TMEM132C: variants seen among roughly 807,000 people sequenced by gnomAD.
The protein encoded by TMEM132C is protein phosphatase 1, regulatory subunit 152.
In TMEM132C, 29 loss-of-function variants were observed where a neutral mutation model predicts 61.4. The ratio of observed to expected loss-of-function variants is 0.47; its 90% CI spans 0.35 to 0.64. The LOEUF is 0.64. Among genes scored for constraint, TMEM132C ranks in the 30% least tolerant of loss-of-function variants. The pLI, the probability that TMEM132C is intolerant of heterozygous loss-of-function variation, is 0.00. For synonymous variants in TMEM132C, 656 were observed against 633.1 expected, an observed-to-expected ratio of 1.04 and a Z score of -0.54; for missense variants, 1,408 against 1,476.9, an observed-to-expected ratio of 0.95 and a Z score of 0.76.
At chr12:128,366,480 C>G (rs138082233) in intron 1 of TMEM132C, among the ~76,000 whole-genome samples, 59 of 152,264 alleles carry the variant, frequency 3.9e-4, no homozygotes, top group African/African-American at 1.4e-3. Context: ...TCTTATAGCC[C>G]CGGATCACAG....
intron 4 of TMEM132C, among the ~76,000 whole-genome samples, chr12:128,622,203 G>C (rs1013928873): frequency 5.3e-5 from 8 of 151,036 alleles, no homozygotes; most frequent in Non-Finnish European, 1.0e-4. Flanking sequence ...AATTAGCCAG[G>C]CATGGCAGCA....
In TMEM132C at chr12:128,590,043, C is replaced by T. The variant is rs537076228; in HGVS notation, c.1122-26109C>T. The stretch of plus-strand genomic sequence containing the variant: ...TTGTTCATTGAATGAACCATTATAA[C>T]CCAAAAAGAAATTACTTCTCTGGGA... On this transcript the variant is annotated intron_variant, in intron 3 of 8. Transcript: ENST00000435159. Among the ~76,000 whole-genome samples the T allele has an allele frequency of 2.6e-4, 39 of 152,284 alleles. No homozygotes were observed. In the South Asian group the frequency reaches 8.1e-3, roughly 32 times the overall value.
At chr12:128,664,094 G>C (rs1954431121) in intron 4 of TMEM132C, among the ~76,000 whole-genome samples, 3 of 123,836 alleles carry the variant, frequency 2.4e-5, no homozygotes, top group Non-Finnish European at 4.9e-5. Context: ...GCACCCACAC[G>C]CACGCACACA....
intron 2 of TMEM132C, among the ~76,000 whole-genome samples, chr12:128,445,197 T>TA (rs5801797): frequency 0.98 from 146,046 of 149,330 alleles, 71,432 homozygotes; most frequent in Middle Eastern, 1. Flanking sequence ...AAATGTTACA[T>TA]AAAAAAAAAA....
chr12:128,535,047 A>G (rs199877589), intron 2 of TMEM132C, among the ~76,000 whole-genome samples: 1 of 152,338 alleles, frequency 6.6e-6, no homozygotes, highest in East Asian at 1.9e-4. Flanking sequence ...CATGCTATGA[A>G]CACAACTGGG....
chr12:128,670,317 T>C (rs563561807), intron 5 of TMEM132C, among the ~76,000 whole-genome samples: 13 of 152,142 alleles, frequency 8.5e-5, no homozygotes, highest in African/African-American at 2.7e-4. Context: ...TCAAATAATA[T>C]ATATATATGT....
intron 2 of TMEM132C, among the ~76,000 whole-genome samples, chr12:128,538,482 A>G (rs1312348873): frequency 6.6e-6 from 1 of 152,020 alleles, no homozygotes; most frequent in Non-Finnish European, 1.5e-5. Flanking sequence ...TTAGTCTCAA[A>G]CTCTTGGCCT....
chr12:128,509,815 G>A (rs1185316131), intron 2 of TMEM132C, among the ~76,000 whole-genome samples: 6 of 152,272 alleles, frequency 3.9e-5, no homozygotes, highest in Admixed American at 3.9e-4. Context: ...TTAAAAATAA[G>A]GCCAGTGAGC....
chr12:128,707,717 A>T lies in TMEM132C; in HGVS notation c.*1422A>T, dbSNP rs1954855509. 2 of 152,222 alleles carry T rather than the reference A, an allele frequency of 1.3e-5. No individual in the cohort carries two copies. The highest frequency in any genetic ancestry group is 4.8e-5 in the African/African-American group (2 of 41,454). The allele number at this position is 152,222 out of a possible 1,614,324, so 9.4% of individuals were successfully genotyped here. A position where few individuals can be genotyped will look rare whatever the true frequency, so the allele number is the denominator to read the frequency against. ...TCTCCGCAGGGGGGCGCTCACAAAG[A>T]TGCCAGGGGTGTTTATTGTGTTTAT... On this transcript the variant is annotated 3_prime_UTR_variant, in exon 9 of 9. Transcript: ENST00000435159.
chr12:128,339,207 A>T (rs1389069140), intron 1 of TMEM132C, among the ~76,000 whole-genome samples: 1 of 151,614 alleles, frequency 6.6e-6, no homozygotes, highest in Admixed American at 6.6e-5. Flanking sequence ...GTTCAGGGAG[A>T]CGTGCCAGGG....
intron 4 of TMEM132C, among the ~76,000 whole-genome samples, chr12:128,655,880 C>T (rs879109705): frequency 6.6e-6 from 1 of 152,200 alleles, no homozygotes; most frequent in African/African-American, 2.4e-5. Flanking sequence ...GAAATATCTA[C>T]ATAAGTTAGC....
At chr12:128,322,073 G>A (rs111675524) in intron 1 of TMEM132C, among the ~76,000 whole-genome samples, 72 of 152,290 alleles carry the variant, frequency 4.7e-4, no homozygotes, top group African/African-American at 1.4e-3. Context: ...ACTATTTTCC[G>A]TCCTCTCGAA....
intron 3 of TMEM132C, among the ~76,000 whole-genome samples, chr12:128,594,654 TG>T (rs1244922410): frequency 6.6e-6 from 1 of 152,194 alleles, no homozygotes; most frequent in African/African-American, 2.4e-5. Flanking sequence ...GGGAGGCTTC[TG>T]GGACTAAAAC....
intron 3 of TMEM132C, among the ~76,000 whole-genome samples, chr12:128,584,871 G>C (rs950856547): frequency 6.6e-6 from 1 of 152,162 alleles, no homozygotes; most frequent in Non-Finnish European, 1.5e-5. Context: ...TGGTGGCCTC[G>C]GGGCAGTTAG....
chr12:128,364,474 T>A (rs946454393), intron 1 of TMEM132C, among the ~76,000 whole-genome samples: 1 of 152,172 alleles, frequency 6.6e-6, no homozygotes, highest in African/African-American at 2.4e-5. Context: ...TGGGCGAAGC[T>A]CCACTCATTT....
At chr12:128,300,429 G>A (rs1453651822) in intron 1 of TMEM132C, among the ~76,000 whole-genome samples, 1 of 152,068 alleles carries the variant, frequency 6.6e-6, no homozygotes, top group African/African-American at 2.4e-5. Context: ...AGAGAGAAAG[G>A]GGTCTCTTCC....
At position 128,634,570 on chromosome 12, in the gene TMEM132C, TC is replaced by T. The variant is rs1218992399; in HGVS notation, c.1305+18238del. Among the ~76,000 whole-genome samples the T allele has an allele frequency of 3.3e-4, 51 of 152,324 alleles. 2 individuals carry two copies. The highest frequency in any genetic ancestry group is 1.2e-3 in the African/African-American group (51 of 41,580). On this transcript the variant is annotated intron_variant, in intron 4 of 8. Transcript: ENST00000435159. The stretch of plus-strand genomic sequence containing the variant: ...AGTGCTTTCCATATGATAATTGACT[TC>T]CCTTTATCAGAAAATACATGATGCC...
rs138117551 is a variant in TMEM132C, at chr12:128,480,939, G to A, written c.975-63018G>A. 9.2e-5 allele frequency among the ~76,000 whole-genome samples: 14 copies of A among 152,280 alleles called. No homozygotes were observed. In the East Asian group the frequency reaches 1.4e-3, roughly 15 times the overall value. ...CTGTCAGCTCAGAGAGGGTGGGGAC[G>A]GAGCCTATGTTGTCTCCCAGCTCCT... On this transcript the variant is annotated intron_variant, in intron 2 of 8. Coordinates refer to ENST00000435159, the MANE Select transcript of TMEM132C (RefSeq NM_001136103.3).
Position 128,278,691 on chromosome 12 carries a change from T to G in TMEM132C, c.85+11204T>G, listed in dbSNP as rs140207421. On this transcript the variant is annotated intron_variant, in intron 1 of 8. Coordinates refer to ENST00000435159, the MANE Select transcript of TMEM132C (RefSeq NM_001136103.3). The surrounding 1 kb of genome is among the most constrained non-coding windows in gnomAD (Gnocchi z 4.2). ...GGTGTCCATGATGACTAAGTTTTTG[T>G]CTTAACTTGTGTGGGCCACGGTTCC... Among the ~76,000 whole-genome samples the G allele has an allele frequency of 6.6e-6, 1 of 152,238 alleles. No individual in the cohort carries two copies. The highest frequency in any genetic ancestry group is 1.9e-4 in the East Asian group (1 of 5,186).
Sources: allele counts gnomAD v4.1 joint callset (sites outside exome capture counted in the v4.1 genomes callset), GRCh38; gene constraint gnomAD v4.1.1; non-coding constraint Gnocchi (gnomAD v3.1); transcripts MANE v1.5; gene names NCBI Gene and HGNC (gene_info 2026-07-23, HGNC 2026-07-21).